XPO1: variants seen among roughly 807,000 people sequenced by gnomAD.
The protein encoded by XPO1 is exportin-1.
XPO1 carries 5 observed loss-of-function variants against 133.3 expected under a neutral mutation model. The observed-to-expected ratio is 0.04, with a 90% CI of 0.02 to 0.08. XPO1 has a LOEUF of 0.08. XPO1 is among the 10% of genes least tolerant of loss of function. The pLI is 1.00. For missense variants in XPO1, 506 were observed against 1,267.5 expected, an observed-to-expected ratio of 0.40 and a Z score of 9.12; for synonymous variants, 419 against 408.2, an observed-to-expected ratio of 1.03 and a Z score of -0.32.
intron 4 of XPO1, among the ~76,000 whole-genome samples, chr2:61,505,473 C>G (rs978381257): frequency 6.6e-6 from 1 of 150,640 alleles, no homozygotes; most frequent in Admixed American, 6.6e-5. Context: ...CTCACTGACA[C>G]GGCCGCCTCC....
At position 61,495,450 on chromosome 2, in the gene XPO1, C is replaced by T; in HGVS notation, c.1047+5G>A. The T allele has an allele frequency of 6.5e-7, 1 of 1,538,548 alleles. No homozygotes were observed. Among genetic ancestry groups the T allele is most frequent in the Non-Finnish European group, 8.8e-7 (1 of 1,137,838 alleles). On this transcript the variant is annotated splice_donor_5th_base_variant and intron_variant, in intron 11 of 24. Coordinates refer to ENST00000401558, the MANE Select transcript of XPO1 (RefSeq NM_003400.4). The stretch of plus-strand genomic sequence containing the variant: ...TTTTAGGAGCAAAAGCTCCACATAT[C>T]TTACCTCCATAAGAGTTTCCCTGAG...
chr2:61,482,347 G>T, intron 23 of XPO1, 33 bp downstream of exon 23: 3 of 1,558,982 alleles, frequency 1.9e-6, no homozygotes, highest in South Asian at 1.2e-5. Flanking sequence ...GCCCGACCAG[G>T]AACATTCTAC....
chr2:61,518,131 C>CA (rs1201374521), intron 4 of XPO1, among the ~76,000 whole-genome samples: 41 of 132,734 alleles, frequency 3.1e-4, no homozygotes, highest in South Asian at 7.2e-4. Context: ...CTCTGTCTCA[C>CA]AAAAAAAAAA....
chr2:61,490,811 T>C (rs746274011), intron 16 of XPO1, 35 bp from the exon 17 acceptor site: 1 of 1,601,450 alleles, frequency 6.2e-7, no homozygotes, highest in Middle Eastern at 1.7e-4. Context: ...ACGTTTATGT[T>C]ATACACCCTA....
At position 61,478,794 on chromosome 2, in the gene XPO1, GA is replaced by G. The variant is rs750314461; in HGVS notation, c.*25del. ...TTTTCCTCTGCTAACGAGTTGCAGA[GA>G]AAAAAAACAGCATGAATTTGGATTT... On this transcript the variant is annotated 3_prime_UTR_variant, in exon 25 of 25. Transcript: ENST00000401558. 4.5e-5 allele frequency: 72 copies of G among 1,607,934 alleles called. No homozygotes were observed. The highest frequency in any genetic ancestry group is 5.8e-5 in the Non-Finnish European group (68 of 1,176,992).
At chr2:61,533,102 C>G (rs1699229810) in intron 2 of XPO1, among the ~76,000 whole-genome samples, 1 of 152,098 alleles carries the variant, frequency 6.6e-6, no homozygotes, top group Admixed American at 6.6e-5. Context: ...TCGCTTGAAC[C>G]CAGGAGGCAG....
chr2:61,483,453 C>T (rs1696506230), intron 21 of XPO1: 2 of 202,198 alleles, frequency 9.9e-6, no homozygotes, highest in South Asian at 2.1e-4. Context: ...AAGTAGAGTT[C>T]ATACTGCTCA....
At chr2:61,529,679 A>T (rs1699068894) in intron 2 of XPO1, among the ~76,000 whole-genome samples, 1 of 152,104 alleles carries the variant, frequency 6.6e-6, no homozygotes, top group East Asian at 1.9e-4. Flanking sequence ...AAAAAAAAAA[A>T]AAGAAAGAAA....
At chr2:61,505,203 G>A (rs374450909) in intron 4 of XPO1, among the ~76,000 whole-genome samples, 1 of 151,926 alleles carries the variant, frequency 6.6e-6, no homozygotes, top group East Asian at 1.9e-4. Flanking sequence ...TTGTTGCTGG[G>A]GCTGGCCTTG....
intron 3 of XPO1, chr2:61,525,318 G>GAC (rs1698868125): frequency 2.1e-5 from 21 of 986,354 alleles, no homozygotes; most frequent in Non-Finnish European, 2.5e-5. Context: ...TGCACAGGAA[G>GAC]ACACCCCTTT....
At chr2:61,487,677 T>G (rs1391901267) in intron 19 of XPO1, among the ~76,000 whole-genome samples, 1 of 152,204 alleles carries the variant, frequency 6.6e-6, no homozygotes, top group Non-Finnish European at 1.5e-5. Flanking sequence ...TTTTACAAGT[T>G]GAGGCATACG....
chr2:61,498,635 C>T (rs761348772), intron 9 of XPO1, 38 bp downstream of exon 9: 1 of 1,607,892 alleles, frequency 6.2e-7, no homozygotes, highest in Admixed American at 1.7e-5. Context: ...ATATATGTGG[C>T]TATCCGGTGA....
At chr2:61,488,971 A>G (rs1023471529) in intron 17 of XPO1, among the ~76,000 whole-genome samples, 200 bp from the exon 18 acceptor site, 1 of 152,048 alleles carries the variant, frequency 6.6e-6, no homozygotes, top group Non-Finnish European at 1.5e-5. Context: ...GCGTGGTGGC[A>G]GCCGCCTGTA....
intron 4 of XPO1, among the ~76,000 whole-genome samples, chr2:61,513,100 G>T (rs1002708314): frequency 6.6e-6 from 1 of 152,108 alleles, no homozygotes; most frequent in Non-Finnish European, 1.5e-5. Flanking sequence ...TGTCGCCCAG[G>T]CTGGAGTGCA....
At chr2:61,511,563 G>A (rs1370880635) in intron 4 of XPO1, among the ~76,000 whole-genome samples, 2 of 152,012 alleles carry the variant, frequency 1.3e-5, no homozygotes, top group South Asian at 2.1e-4. Context: ...AGGGGCACTC[G>A]ACCATACACT....
At chr2:61,528,782 GT>G (rs1699030756) in intron 2 of XPO1, among the ~76,000 whole-genome samples, 3 of 81,076 alleles carry the variant, frequency 3.7e-5, no homozygotes, top group South Asian at 8.0e-4. Context: ...TATATATATA[GT>G]TTTTTCATTT....
At chr2:61,486,391 C>G (rs3821222) in intron 19 of XPO1, among the ~76,000 whole-genome samples, 97,579 of 151,906 alleles carry the variant, frequency 0.64, 31,462 homozygotes, top group Middle Eastern at 0.71. Flanking sequence ...GTGTCTCCAA[C>G]TTAGGTGGCA....
rs80048094 is a variant in XPO1, at chr2:61,494,274, A to C, written c.1048-183T>G. On this transcript the variant is annotated intron_variant, in intron 11 of 24. Transcript: ENST00000401558. ...ACTCTGCTTCTTCTGACATGCCCTA[A>C]AGCACTTCAAAAATCTCTCACATAG... The C allele has an allele frequency of 2.2e-3, 1,209 of 542,964 alleles. 12 individuals carry two copies. The highest frequency in any genetic ancestry group is 0.021 in the African/African-American group (1,109 of 52,470). The allele number at this position is 542,964 out of a possible 1,614,324, so 33.6% of individuals were successfully genotyped here.
rs575088250 is a variant in XPO1, at chr2:61,528,800, G to C, written c.127-2279C>G. Among the ~76,000 whole-genome samples the C allele has an allele frequency of 1.7e-4, 22 of 132,150 alleles. No homozygotes were observed. The South Asian group carries it at 4.8e-3, about 29-fold the overall frequency. The allele number at this position is 132,150 out of a possible 152,430, so 86.7% of individuals were successfully genotyped here. A position where few individuals can be genotyped will look rare whatever the true frequency, so the allele number is the denominator to read the frequency against. On this transcript the variant is annotated intron_variant, in intron 2 of 24. Coordinates refer to ENST00000401558, the MANE Select transcript of XPO1 (RefSeq NM_003400.4). Reference sequence around the variant, plus strand: ...ATATATAGTTTTTTCATTTCAATAAGTTTTTCATACATTAATATTTTTACC... The same window carrying C: ...ATATATAGTTTTTTCATTTCAATAACTTTTTCATACATTAATATTTTTACC...
Sources: gnomAD v4.1 joint callset for allele counts (sites outside exome capture counted in the v4.1 genomes callset) on GRCh38, gnomAD v4.1.1 for gene constraint, MANE v1.5 for transcripts, NCBI Gene and HGNC (gene_info 2026-07-23, HGNC 2026-07-21) for gene names.